The following ARMH4 variants were observed in gnomAD, a reference collection of about 807,000 sequenced individuals.
ARMH4 encodes the protein armadillo like helical domain containing 4.
ARMH4 carries 49 observed loss-of-function variants against 61.9 expected under a neutral mutation model. The observed-to-expected ratio is 0.79, with a 90% CI of 0.63 to 1.00. The LOEUF is 1.00. ARMH4 is among the 50% of genes least tolerant of loss of function. ARMH4 has a pLI of 0.00. For synonymous variants in ARMH4, 368 were observed against 341.5 expected (o/e 1.08, Z -0.85); for missense variants, 934 against 930.0 (o/e 1.00, Z -0.06).
chr14:58,011,560 G>A (rs1882406778), intron 6 of ARMH4, among the ~76,000 whole-genome samples: 1 of 152,084 alleles, frequency 6.6e-6, no homozygotes, highest in Non-Finnish European at 1.5e-5. Context: ...AACCAAAAGT[G>A]AAAACTTGGA....
chr14:58,077,486 G>C (rs1288548400), intron 5 of ARMH4, among the ~76,000 whole-genome samples: 1 of 152,080 alleles, frequency 6.6e-6, no homozygotes, highest in Non-Finnish European at 1.5e-5. Flanking sequence ...GCACACCTGC[G>C]GTCCCAGCTA....
intron 5 of ARMH4, among the ~76,000 whole-genome samples, chr14:58,076,953 G>C (rs1334920840): frequency 1.3e-5 from 2 of 152,126 alleles, no homozygotes; most frequent in African/African-American, 4.8e-5. Context: ...CTACACCAAG[G>C]CTTCACCCTC....
intron 4 of ARMH4, among the ~76,000 whole-genome samples, chr14:58,121,483 T>C (rs1008344675): frequency 6.6e-6 from 1 of 152,216 alleles, no homozygotes; most frequent in Admixed American, 6.5e-5. Flanking sequence ...TAAATGTCAG[T>C]TATCTTTCTT....
intron 5 of ARMH4, among the ~76,000 whole-genome samples, chr14:58,066,198 T>G (rs563646224): frequency 3.7e-4 from 56 of 152,344 alleles, no homozygotes; most frequent in African/African-American, 1.2e-3. Context: ...CAACAGCATG[T>G]GTGTTTAGTG....
At position 58,138,702 on chromosome 14, in the gene ARMH4, A is replaced by G; in HGVS notation, c.657T>C (p.Asn219=). 2 of 1,614,124 alleles carry G rather than the reference A, an allele frequency of 1.2e-6. No individual in the cohort carries two copies. The highest frequency in any genetic ancestry group is 2.2e-5 in the South Asian group (2 of 91,088). The part of the protein sequence containing the change: ...YVNTKEMLTT[N]PKTEKFEADT... ...CTGCTTCAAATTTCTCAGTCTTTGG[A>G]TTGGTGGTTAGCATTTCCTTAGTAT... The change falls in exon 2 of 8, where the codon AAT becomes AAC. Residue 219 remains asparagine (N), a synonymous_variant. Coordinates refer to ENST00000267485, the MANE Select transcript of ARMH4 (RefSeq NM_001001872.4).
intron 5 of ARMH4, among the ~76,000 whole-genome samples, chr14:58,058,835 C>T (rs927438642): frequency 2.0e-5 from 3 of 152,108 alleles, no homozygotes; most frequent in Admixed American, 6.6e-5. Context: ...ACAGAACCCA[C>T]GGATACAGAC....
chr14:58,006,919 TAAA>T lies in ARMH4; in HGVS notation c.2122-1740_2122-1738del, dbSNP rs1381843180. Among the ~76,000 whole-genome samples the T allele has an allele frequency of 6.6e-5, 10 of 151,884 alleles. No homozygotes were observed. The South Asian group carries it at 1.2e-3, about 19-fold the overall frequency. On this transcript the variant is annotated intron_variant, in intron 6 of 7. Coordinates refer to ENST00000267485, the MANE Select transcript of ARMH4 (RefSeq NM_001001872.4). ...GAACTTAACGTATAATAAAAATAAATAAATAAATAAATTAATTAATTAATATGC... is the reference window on the plus strand; with the variant it reads ...GAACTTAACGTATAATAAAAATAAATTAAATAAATTAATTAATTAATATGC...
chr14:58,090,163 G>A (rs188853073), intron 5 of ARMH4, among the ~76,000 whole-genome samples: 30 of 152,194 alleles, frequency 2.0e-4, no homozygotes, highest in Non-Finnish European at 3.7e-4. Flanking sequence ...AATAAAGACA[G>A]CTATAATAAT....
intron 4 of ARMH4, among the ~76,000 whole-genome samples, chr14:58,127,373 G>T (rs972023092): frequency 6.6e-6 from 1 of 152,082 alleles, no homozygotes; most frequent in Non-Finnish European, 1.5e-5. Context: ...GTTTTATAAA[G>T]GGCAGTTCCC....
At chr14:58,016,114 G>T (rs780532859) in intron 5 of ARMH4, among the ~76,000 whole-genome samples, 2 of 151,928 alleles carry the variant, frequency 1.3e-5, no homozygotes, top group African/African-American at 2.4e-5. Context: ...AGTTATAGAA[G>T]ACATGTATCT....
At chr14:58,031,686 T>C (rs1883237603) in intron 5 of ARMH4, among the ~76,000 whole-genome samples, 1 of 152,180 alleles carries the variant, frequency 6.6e-6, no homozygotes, top group Non-Finnish European at 1.5e-5. Context: ...AAAATTGTAA[T>C]GCAATACATG....
intron 5 of ARMH4, among the ~76,000 whole-genome samples, chr14:58,016,248 A>G (rs1170819105): frequency 1.3e-5 from 2 of 152,170 alleles, no homozygotes; most frequent in African/African-American, 4.8e-5. Context: ...TTAAACACTC[A>G]AGGGAAAACA....
At chr14:58,050,359 A>G (rs1233012002) in intron 5 of ARMH4, among the ~76,000 whole-genome samples, 1 of 152,186 alleles carries the variant, frequency 6.6e-6, no homozygotes, top group African/African-American at 2.4e-5. Flanking sequence ...CCTAAGGAGG[A>G]CCACAGTCCT....
intron 5 of ARMH4, among the ~76,000 whole-genome samples, chr14:58,069,498 A>G (rs1351924362): frequency 1.3e-5 from 2 of 152,238 alleles, no homozygotes; most frequent in African/African-American, 4.8e-5. Context: ...TGACAGTTTC[A>G]TCTGATAGGG....
chr14:58,107,621 G>T (rs565213818), intron 4 of ARMH4, among the ~76,000 whole-genome samples: 3 of 151,918 alleles, frequency 2.0e-5, no homozygotes, highest in Non-Finnish European at 2.9e-5. Context: ...AAATTTAGCC[G>T]GGCGTAGTGG....
At chr14:58,060,888 G>C (rs560796416) in intron 5 of ARMH4, among the ~76,000 whole-genome samples, 1 of 152,080 alleles carries the variant, frequency 6.6e-6, no homozygotes, top group Non-Finnish European at 1.5e-5. Flanking sequence ...TAATGCTTGC[G>C]GTGGTCACAA....
chr14:58,088,386 G>A (rs1348770670), intron 5 of ARMH4, among the ~76,000 whole-genome samples: 1 of 150,994 alleles, frequency 6.6e-6, no homozygotes, highest in Non-Finnish European at 1.5e-5. Context: ...TCTTTTACAT[G>A]TTCATCCTCA....
chr14:58,030,184 G>A (rs1883177429), intron 5 of ARMH4, among the ~76,000 whole-genome samples: 1 of 152,162 alleles, frequency 6.6e-6, no homozygotes. Context: ...GCCATAGAGA[G>A]GGGAGAGAGT....
chr14:58,071,170 C>T (rs8009223), intron 5 of ARMH4, among the ~76,000 whole-genome samples: 81,209 of 148,930 alleles, frequency 0.55, 23,376 homozygotes, highest in Non-Finnish European at 0.63. Flanking sequence ...ATATTATATA[C>T]AATAGTACGG....
Sources: allele counts gnomAD v4.1 joint callset (sites outside exome capture counted in the v4.1 genomes callset), GRCh38; gene constraint gnomAD v4.1.1; transcripts MANE v1.5; gene names NCBI Gene and HGNC (gene_info 2026-07-23, HGNC 2026-07-21).